Variants in PLPP4 observed in about 807,000 individuals in gnomAD.
PLPP4 encodes the protein phospholipid phosphatase 4, also known as diacylglycerol pyrophosphate like 2.
In PLPP4, 20 loss-of-function variants were observed where a neutral mutation model predicts 32.2. The ratio of observed to expected loss-of-function variants is 0.62; its 90% CI spans 0.44 to 0.90. The LOEUF (loss-of-function observed/expected upper bound fraction) is 0.90, where lower values mean the gene tolerates loss of function less well. Among genes scored for constraint, PLPP4 ranks in the 40% least tolerant of loss-of-function variants. The pLI is 0.00. For synonymous variants in PLPP4, 127 were observed against 133.0 expected (o/e 0.95, Z 0.31); for missense variants, 257 against 353.1 (o/e 0.73, Z 2.18).
At chr10:120,555,617 A>G (rs1476834477) in intron 5 of PLPP4, among the ~76,000 whole-genome samples, 1 of 152,210 alleles carries the variant, frequency 6.6e-6, no homozygotes, top group East Asian at 1.9e-4. Context: ...CTGTATCAAC[A>G]CACACTGGGT....
intron 6 of PLPP4, chr10:120,580,825 C>G (rs1849470882): frequency 8.0e-7 from 1 of 1,244,044 alleles, no homozygotes; most frequent in Admixed American, 2.3e-5. Context: ...CTGGGTAGAA[C>G]AAAAACACTG....
At chr10:120,571,741 G>A (rs900492108) in intron 5 of PLPP4, among the ~76,000 whole-genome samples, 8 of 152,140 alleles carry the variant, frequency 5.3e-5, no homozygotes, top group African/African-American at 1.9e-4. Context: ...TACTAATTCA[G>A]TATGGGTTGG....
At chr10:120,463,083 A>G (rs1589706403) in intron 1 of PLPP4, among the ~76,000 whole-genome samples, 1 of 138,968 alleles carries the variant, frequency 7.2e-6, no homozygotes, top group African/African-American at 2.7e-5. Flanking sequence ...GAATGAGTGC[A>G]ATGGTGCGAT....
intron 6 of PLPP4, among the ~76,000 whole-genome samples, chr10:120,584,470 G>A (rs1849662537): frequency 6.6e-6 from 1 of 152,212 alleles, no homozygotes; most frequent in African/African-American, 2.4e-5. Context: ...CCCCTGATAC[G>A]TATGCAGTGC....
At chr10:120,562,738 A>T (rs1848495277) in intron 5 of PLPP4, among the ~76,000 whole-genome samples, 4 of 152,204 alleles carry the variant, frequency 2.6e-5, no homozygotes, top group Admixed American at 2.6e-4. Context: ...CTTGGCTAAG[A>T]TGTATTCCCC....
intron 6 of PLPP4, among the ~76,000 whole-genome samples, chr10:120,584,906 C>A (rs1210770215): frequency 1.3e-5 from 2 of 152,166 alleles, no homozygotes; most frequent in African/African-American, 4.8e-5. Context: ...ACAGAATTGG[C>A]AGGAATTGTC....
intron 5 of PLPP4, among the ~76,000 whole-genome samples, chr10:120,568,774 T>C (rs1848800751): frequency 6.6e-6 from 1 of 152,358 alleles, no homozygotes; most frequent in Non-Finnish European, 1.5e-5. Flanking sequence ...CCTGGGGATT[T>C]AGACCTTCTG....
intron 1 of PLPP4, among the ~76,000 whole-genome samples, chr10:120,467,118 G>A (rs113618912): frequency 0.045 from 6,635 of 147,710 alleles, 261 homozygotes; most frequent in South Asian, 0.12. Context: ...TTGCTCTGTC[G>A]CCCAGGCTGG....
chr10:120,457,214 C>T (rs1405874182), upstream of PLPP4: 8 of 1,026,082 alleles, frequency 7.8e-6, no homozygotes, highest in Middle Eastern at 3.3e-4. Flanking sequence ...GCGCCTCCCT[C>T]GCCTCCCAGG....
chr10:120,485,789 G>C (rs1589747031), intron 1 of PLPP4, among the ~76,000 whole-genome samples: 1 of 152,380 alleles, frequency 6.6e-6, no homozygotes, highest in East Asian at 1.9e-4. Flanking sequence ...CTCCTGAGTT[G>C]CTGCTTGCCC....
intron 5 of PLPP4, among the ~76,000 whole-genome samples, chr10:120,525,391 C>T (rs1228713192): frequency 1.3e-5 from 2 of 152,194 alleles, no homozygotes; most frequent in African/African-American, 2.4e-5. Context: ...GCAGTTGTTG[C>T]TTGTGGAATA....
At chr10:120,457,996 G>A (rs1023665624) in intron 1 of PLPP4, among the ~76,000 whole-genome samples, 2 of 152,228 alleles carry the variant, frequency 1.3e-5, no homozygotes, top group Non-Finnish European at 2.9e-5. Flanking sequence ...CCCTCCAGGG[G>A]TAGCCGTGAA....
At position 120,590,342 on chromosome 10, in the gene PLPP4, G is replaced by T. The variant is rs568033885; in HGVS notation, c.*840G>T. Reference sequence around the variant, plus strand: ...CTCACAGATCAGAAACCGCATGCCTGGGGCTCATCTCAAGGGAGTGGCTGA... The same window carrying T: ...CTCACAGATCAGAAACCGCATGCCTTGGGCTCATCTCAAGGGAGTGGCTGA... On this transcript the variant is annotated 3_prime_UTR_variant, in exon 7 of 7. Coordinates refer to ENST00000398250, the MANE Select transcript of PLPP4 (RefSeq NM_001030059.3). 6.6e-6 allele frequency among the ~76,000 whole-genome samples: 1 copy of T among 152,310 alleles called. No individual in the cohort carries two copies. The highest frequency in any genetic ancestry group is 1.9e-4 in the East Asian group (1 of 5,180).
rs185040672 is a variant in PLPP4, at chr10:120,463,540, C to T, written c.56+6179C>T. 1.1e-4 allele frequency among the ~76,000 whole-genome samples: 16 copies of T among 152,270 alleles called. No individual in the cohort carries two copies. In the East Asian group the frequency reaches 3.1e-3, roughly 29 times the overall value. ...AAGATTAGATAAGGTACTTTAAGTG[C>T]CTGTGGTACATATAACAAAAATTGG... On this transcript the variant is annotated intron_variant, in intron 1 of 6. Coordinates refer to ENST00000398250, the MANE Select transcript of PLPP4 (RefSeq NM_001030059.3).
At chr10:120,584,863 A>C (rs1849680441) in intron 6 of PLPP4, among the ~76,000 whole-genome samples, 1 of 152,198 alleles carries the variant, frequency 6.6e-6, no homozygotes, top group Admixed American at 6.5e-5. Context: ...AGCACCTGTG[A>C]TATCACTTTT....
At chr10:120,568,653 A>G (rs1358793518) in intron 5 of PLPP4, among the ~76,000 whole-genome samples, 2 of 152,218 alleles carry the variant, frequency 1.3e-5, no homozygotes, top group African/African-American at 4.8e-5. Context: ...GCTCATGCTC[A>G]TATCAGCTCC....
intron 1 of PLPP4, among the ~76,000 whole-genome samples, chr10:120,482,738 A>C (rs1466383494): frequency 6.6e-6 from 1 of 150,604 alleles, no homozygotes; most frequent in Non-Finnish European, 1.5e-5. Context: ...CCCTGTCTCT[A>C]CTGAAAATAC....
intron 1 of PLPP4, among the ~76,000 whole-genome samples, chr10:120,480,129 T>C (rs1844127977): frequency 6.6e-6 from 1 of 152,238 alleles, no homozygotes; most frequent in Non-Finnish European, 1.5e-5. Context: ...GGTTTCTACC[T>C]GCCTAGACCT....
chr10:120,520,882 T>C, intron 4 of PLPP4, 89 bp from the exon 5 acceptor site: 2 of 1,485,804 alleles, frequency 1.3e-6, no homozygotes, highest in Non-Finnish European at 1.8e-6. Flanking sequence ...AGGAAAGAGC[T>C]GGGGGCAGTG....
Sources: gnomAD v4.1 joint callset for allele counts (sites outside exome capture counted in the v4.1 genomes callset) on GRCh38, gnomAD v4.1.1 for gene constraint, MANE v1.5 for transcripts, NCBI Gene and HGNC (gene_info 2026-07-23, HGNC 2026-07-21) for gene names.